Variants in ANK2 observed in about 807,000 individuals in gnomAD.
The protein encoded by ANK2 is ankyrin 2, also known as ankyrin-2.
In ANK2, 83 loss-of-function variants were observed where a neutral mutation model predicts 360.5. The observed-to-expected ratio is 0.23, with a 90% CI of 0.19 to 0.28. ANK2 has a LOEUF of 0.28. Among genes scored for constraint, ANK2 ranks in the 10% least tolerant of loss-of-function variants. The probability of loss-of-function intolerance (pLI) is 1.00; values close to 1 mark genes in which losing one functional copy is unlikely to be tolerated. For synonymous variants in ANK2, 1,740 were observed against 1,759.5 expected, an observed-to-expected ratio of 0.99 and a Z score of 0.28; for missense variants, 4,201 against 4,795.7, an observed-to-expected ratio of 0.88 and a Z score of 3.66.
chr4:112,839,866 C>T (rs570289115), intron 1 of ANK2, among the ~76,000 whole-genome samples: 22 of 152,266 alleles, frequency 1.4e-4, no homozygotes, highest in African/African-American at 5.3e-4. Context: ...TTTTGCCTTG[C>T]ACATTCTTTG....
the ANK2 span, among the ~76,000 whole-genome samples, chr4:112,780,453 A>G: frequency 1.3e-5 from 2 of 152,242 alleles, no homozygotes; most frequent in Non-Finnish European, 2.9e-5. Flanking sequence ...AATTATAATT[A>G]TGAAAGAAAC....
rs775510550 is a variant in ANK2 at position 113,356,537 on chromosome 4, C to G, written c.7919C>G (p.Thr2640Arg). 2.0e-5 allele frequency: 33 copies of G among 1,614,010 alleles called. No individual in the cohort carries two copies. The highest frequency in any genetic ancestry group is 2.6e-5 in the Non-Finnish European group (31 of 1,180,000). The change falls in exon 38 of 46, where the codon ACA becomes AGA. Residue 2640 changes from threonine to arginine, a missense_variant. This residue lies in a region of ANK2 where 2,642 missense variants were observed against 2,714.5 expected (regional missense o/e 0.97). Coordinates refer to ENST00000357077, the MANE Select transcript of ANK2 (RefSeq NM_001148.6). ...CSVDVDEPKH[T>R]GSGEDESGVP... ...GTAGATGTGGATGAACCAAAACATA[C>G]AGGCAGTGGGGAGGATGAAAGTGGT...
chr4:112,800,894 A>C, the ANK2 span, among the ~76,000 whole-genome samples: 2 of 152,226 alleles, frequency 1.3e-5, no homozygotes, highest in East Asian at 3.9e-4. Flanking sequence ...ACCTCAGGTA[A>C]TCCACCCACC....
intron 1 of ANK2, among the ~76,000 whole-genome samples, chr4:113,158,501 GA>G (rs201376958): frequency 6.0e-5 from 9 of 149,590 alleles, no homozygotes; most frequent in African/African-American, 1.2e-4. Context: ...TATCATATGT[GA>G]AAAAAAAATA....
chr4:112,781,256 C>G, the ANK2 span, among the ~76,000 whole-genome samples: 4 of 152,118 alleles, frequency 2.6e-5, no homozygotes, highest in Non-Finnish European at 5.9e-5. Flanking sequence ...CCTGCCACCA[C>G]GCCTAGCTAA....
chr4:113,262,477 G>T (rs910544318), intron 13 of ANK2, among the ~76,000 whole-genome samples: 3 of 152,058 alleles, frequency 2.0e-5, no homozygotes, highest in African/African-American at 7.2e-5. Flanking sequence ...CAATACTCCT[G>T]CCTTGGCCTC....
intron 31 of ANK2, 66 bp from the exon 32 acceptor site, chr4:113,339,160 G>C (rs2093956407): frequency 2.9e-6 from 4 of 1,367,390 alleles, no homozygotes; most frequent in Non-Finnish European, 4.2e-6. Context: ...GAACCACAAA[G>C]ACTTTATTTT....
Position 113,242,167 on chromosome 4 carries a change from G to T in ANK2, c.849G>T (p.Lys283Asn). 6.2e-7 allele frequency: 1 copy of T among 1,614,034 alleles called. No individual in the cohort carries two copies. Among genetic ancestry groups the T allele is most frequent in the Non-Finnish European group, 8.5e-7 (1 of 1,179,954 alleles). The change falls in exon 9 of 46, where the codon AAG becomes AAT. Residue 283 changes from lysine (K) to asparagine (N), a missense_variant. Physicochemically the swap from Lys to Asn is moderately conservative, Grantham distance 94. Around this residue, in one of 4 missense-constraint regions of ANK2, gnomAD observed 122 missense variants for 239.3 expected, o/e 0.51. Transcript: ENST00000357077. ...ASKRGNTNMV[K>N]LLLDRGGQID... Reference sequence around the variant, plus strand: ...AAAGAGGAAATACAAACATGGTGAAGCTCTTACTGGATCGAGGCGGTCAGA... The same window carrying T: ...AAAGAGGAAATACAAACATGGTGAATCTCTTACTGGATCGAGGCGGTCAGA...
In ANK2 at chr4:113,353,381, T is replaced by C. The variant is rs745494927; in HGVS notation, c.4763T>C (p.Val1588Ala). The change falls in exon 38 of 46, where the codon GTT becomes GCT. Residue 1588 changes from valine (V) to alanine (A), a missense_variant. Physicochemically the swap from Val to Ala is moderately conservative, Grantham distance 64 (BLOSUM62 0). Coordinates refer to ENST00000357077, the MANE Select transcript of ANK2 (RefSeq NM_001148.6). Reference protein sequence around the residue: ...VQSSRSERGLVEEEWVIVSDE... With the variant: ...VQSSRSERGLAEEEWVIVSDE... ...AGCTCTCGGTCTGAGAGAGGATTAG[T>C]TGAAGAGGAATGGGTTATTGTCAGT... 7 of 1,614,024 alleles carry C rather than the reference T, an allele frequency of 4.3e-6. No individual in the cohort carries two copies. The East Asian group carries it at 1.1e-4, about 26-fold the overall frequency.
chr4:112,826,854 G>A, intron 1 of ANK2: 2 of 1,419,832 alleles, frequency 1.4e-6, no homozygotes, highest in South Asian at 1.2e-5. Context: ...ATGCTTCAGG[G>A]ATGAAGATGA....
rs79247472 is a variant in ANK2, at chr4:112,990,587, A to G, written c.21+86073A>G. Among the ~76,000 whole-genome samples the G allele has an allele frequency of 1.7e-4, 26 of 152,136 alleles. No individual in the cohort carries two copies. In the East Asian group the frequency reaches 5.0e-3, roughly 30 times the overall value. On this transcript the variant is annotated intron_variant, in intron 2 of 30. Coordinates refer to the ANK2 transcript ENST00000503271. ...GAAATTCATCATCTCCATAGCCCTC[A>G]TCTAGATCAATATTTCATGTTTTTA...
At chr4:112,928,716 G>A (rs1030058472) in intron 2 of ANK2, among the ~76,000 whole-genome samples, 1 of 152,138 alleles carries the variant, frequency 6.6e-6, no homozygotes, top group Non-Finnish European at 1.5e-5. Flanking sequence ...AGGACACAGG[G>A]AAGAGACAGC....
intron 2 of ANK2, among the ~76,000 whole-genome samples, chr4:113,178,580 A>G (rs987211817): frequency 2.0e-5 from 3 of 151,898 alleles, no homozygotes. Flanking sequence ...TCAAAAAAAA[A>G]AAAAAAAAAT....
chr4:113,153,711 ATCC>A (rs750271421), intron 1 of ANK2, among the ~76,000 whole-genome samples: 1 of 152,190 alleles, frequency 6.6e-6, no homozygotes, highest in Non-Finnish European at 1.5e-5. Flanking sequence ...AGTCTAGTTA[ATCC>A]TTTATGTCAG....
At chr4:113,224,378 C>G (rs2099189333) in intron 4 of ANK2, among the ~76,000 whole-genome samples, 1 of 152,172 alleles carries the variant, frequency 6.6e-6, no homozygotes, top group African/African-American at 2.4e-5. Context: ...GAGAGAGTAA[C>G]ACTTATGTCG....
intron 1 of ANK2, among the ~76,000 whole-genome samples, chr4:112,840,493 T>C (rs59022487): frequency 0.018 from 2,681 of 152,220 alleles, 46 homozygotes; most frequent in East Asian, 0.048. Flanking sequence ...GGGCAGATTC[T>C]GGGTTAGGTT....
rs936860550 is a variant in ANK2, at chr4:113,356,205, G to A, written c.7587G>A (p.Glu2529=). 3.7e-6 allele frequency: 6 copies of A among 1,613,770 alleles called. No individual in the cohort carries two copies. The highest frequency in any genetic ancestry group is 4.5e-5 in the East Asian group (2 of 44,866). ...GTCTTGAGCAGACATCGCTCATGGAGAGCTCAGGGAAGAGCCCCCTTTCTC... is the reference window on the plus strand; with the variant it reads ...GTCTTGAGCAGACATCGCTCATGGAAAGCTCAGGGAAGAGCCCCCTTTCTC... ...DDSLEQTSLM[E]SSGKSPLSPD... The change falls in exon 38 of 46, where the codon GAG becomes GAA. Residue 2529 remains glutamate, a synonymous_variant. Coordinates refer to ENST00000357077, the MANE Select transcript of ANK2 (RefSeq NM_001148.6).
At chr4:112,792,002 AC>A in the ANK2 span, among the ~76,000 whole-genome samples, 1 of 149,306 alleles carries the variant, frequency 6.7e-6, no homozygotes, top group South Asian at 2.1e-4. Context: ...AACATAAACC[AC>A]ATTTTATTTT....
chr4:113,124,593 T>G (rs761920737), intron 1 of ANK2, among the ~76,000 whole-genome samples: 104 of 152,326 alleles, frequency 6.8e-4, no homozygotes, highest in Non-Finnish European at 1.4e-3. Context: ...AGAAAGGGAT[T>G]CCTTACTCAG....
Sources: gnomAD v4.1 joint callset for allele counts (sites outside exome capture counted in the v4.1 genomes callset) on GRCh38, gnomAD v4.1.1 for gene constraint, gnomAD v4.1.1 regional missense constraint, MANE v1.5 for transcripts, NCBI Gene and HGNC (gene_info 2026-07-23, HGNC 2026-07-21) for gene names.